The following PCDHGA2 variants were observed in gnomAD, a reference collection of about 807,000 sequenced individuals.
The protein encoded by PCDHGA2 is protocadherin gamma-A2.
In PCDHGA2, 40 loss-of-function variants were observed where a neutral mutation model predicts 59.2. The ratio of observed to expected loss-of-function variants is 0.68; its 90% CI spans 0.52 to 0.88. The LOEUF (loss-of-function observed/expected upper bound fraction) is 0.88, where lower values mean the gene tolerates loss of function less well. Ranked by LOEUF, PCDHGA2 falls within the 40% of genes least tolerant of loss-of-function variation. The pLI is 0.00. For missense variants in PCDHGA2, 1,226 were observed against 1,204.0 expected (o/e 1.02, Z -0.27); for synonymous variants, 560 against 526.0 (o/e 1.06, Z -0.89).
intron 1 of PCDHGA2, chr5:141,344,535 C>A (rs768252153): frequency 6.2e-7 from 1 of 1,613,906 alleles, no homozygotes. Flanking sequence ...TAACTCCCTG[C>A]AGAACTACAA....
rs116335001 is a variant in PCDHGA2, at chr5:141,360,878, G to C, written c.2424+19483G>C. 2.7e-5 allele frequency: 43 copies of C among 1,614,024 alleles called. No homozygotes were observed. The African/African-American group carries it at 5.3e-4, about 20-fold the overall frequency. On this transcript the variant is annotated intron_variant, in intron 1 of 3. Transcript: ENST00000394576. ...CCAGTGTTCAGCCAGGACGTGTACA[G>C]GGTCACCCTGAGGGAGGACGTGCCG...
At chr5:141,427,550 C>T (rs1310933864) in intron 1 of PCDHGA2, 1 of 643,730 alleles carries the variant, frequency 1.6e-6, no homozygotes, top group East Asian at 3.2e-5. Context: ...CCATCACTGC[C>T]ACTGACAAGG....
In PCDHGA2 at chr5:141,418,027, T is replaced by C. The variant is rs536104184; in HGVS notation, c.2424+76632T>C. On this transcript the variant is annotated intron_variant, in intron 1 of 3. Coordinates refer to ENST00000394576, the MANE Select transcript of PCDHGA2 (RefSeq NM_018915.4). ...GGAACCTCGCTAAGGATCTAGGGCT[T>C]AGTGTCCTGGATGTGTCGGCTCGCG... is the stretch of plus-strand genomic sequence containing the variant. 144 of 1,613,732 alleles carry C rather than the reference T, an allele frequency of 8.9e-5. No homozygotes were observed. The East Asian group carries it at 1.2e-3, about 14-fold the overall frequency.
In PCDHGA2 at chr5:141,427,784, G is replaced by A. The variant is rs750188824; in HGVS notation, c.2425-67023G>A. 6.8e-6 allele frequency: 10 copies of A among 1,470,180 alleles called. No homozygotes were observed. The Admixed American group carries it at 1.3e-4, about 20-fold the overall frequency. 91.1% of individuals were successfully genotyped at this position (1,470,180 alleles called of 1,614,324 possible). Reference sequence around the variant, plus strand: ...CTGACTTGGAGCTGCGGGCACTGTCGTCCTACGTGTCCGTGAGCGCACAGA... The same window carrying A: ...CTGACTTGGAGCTGCGGGCACTGTCATCCTACGTGTCCGTGAGCGCACAGA... On this transcript the variant is annotated intron_variant, in intron 1 of 3. Coordinates refer to ENST00000394576, the MANE Select transcript of PCDHGA2 (RefSeq NM_018915.4).
chr5:141,356,235 A>G (rs1479657610), intron 1 of PCDHGA2: 3 of 1,587,502 alleles, frequency 1.9e-6, no homozygotes, highest in African/African-American at 1.3e-5. Flanking sequence ...ACAACGCACC[A>G]GAAGTCACAG....
intron 1 of PCDHGA2, chr5:141,408,828 G>C: frequency 6.2e-7 from 1 of 1,613,614 alleles, no homozygotes; most frequent in East Asian, 2.2e-5. Context: ...AGATCTCATA[G>C]CTTGATATTG....
intron 1 of PCDHGA2, among the ~76,000 whole-genome samples, chr5:141,450,814 A>ATT (rs755856825): frequency 0.033 from 4,450 of 136,778 alleles, 81 homozygotes; most frequent in Middle Eastern, 0.081. Context: ...TTATTTATTT[A>ATT]ATATTATTAT....
intron 1 of PCDHGA2, chr5:141,416,339 A>T (rs2096016775): frequency 6.6e-6 from 1 of 152,218 alleles, no homozygotes; most frequent in African/African-American, 2.4e-5. Context: ...TCATTGCTCA[A>T]TAGGGATCCT....
intron 1 of PCDHGA2, chr5:141,383,317 G>A (rs376453261): frequency 1.9e-6 from 3 of 1,614,000 alleles, no homozygotes; most frequent in African/African-American, 2.7e-5. Context: ...AGAAATAAAT[G>A]TAAAAATAAT....
At chr5:141,364,415 G>C in intron 1 of PCDHGA2, 1 of 1,613,082 alleles carries the variant, frequency 6.2e-7, no homozygotes, top group South Asian at 1.1e-5. Flanking sequence ...GCCAGGATCC[G>C]GGCAGATCCG....
intron 1 of PCDHGA2, chr5:141,345,690 C>T (rs1360065016): frequency 6.2e-7 from 1 of 1,614,108 alleles, no homozygotes; most frequent in African/African-American, 1.3e-5. Context: ...CCTGTTCGTG[C>T]TGGACCAGAA....
intron 1 of PCDHGA2, chr5:141,430,809 G>T (rs949727881): frequency 2.0e-6 from 3 of 1,526,896 alleles, no homozygotes; most frequent in Non-Finnish European, 2.6e-6. Flanking sequence ...GTCCTGCTGG[G>T]AATCCTCCTG....
intron 1 of PCDHGA2, among the ~76,000 whole-genome samples, chr5:141,382,107 C>T (rs1777954814): frequency 6.6e-6 from 1 of 152,002 alleles, no homozygotes; most frequent in Non-Finnish European, 1.5e-5. Flanking sequence ...GGATTACAGG[C>T]GTGAGCAACA....
At chr5:141,360,215 G>C (rs777537456) in intron 1 of PCDHGA2, 30 of 1,613,432 alleles carry the variant, frequency 1.9e-5, no homozygotes, top group Non-Finnish European at 2.5e-5. Flanking sequence ...TTGTTCCCCG[G>C]GGCTCTCCCA....
intron 1 of PCDHGA2, chr5:141,393,457 C>T (rs780177231): frequency 1.9e-6 from 3 of 1,614,050 alleles, no homozygotes; most frequent in East Asian, 2.2e-5. Flanking sequence ...CTCACGGCCT[C>T]GGATGGCGGC....
intron 1 of PCDHGA2, chr5:141,365,946 A>G (rs758519546): frequency 1.4e-5 from 22 of 1,614,020 alleles, no homozygotes; most frequent in Non-Finnish European, 1.9e-5. Flanking sequence ...GACAGTGGGA[A>G]CCCTCCACTT....
intron 2 of PCDHGA2, among the ~76,000 whole-genome samples, chr5:141,504,369 A>G (rs968327872): frequency 6.6e-5 from 10 of 152,272 alleles, no homozygotes; most frequent in Non-Finnish European, 1.2e-4. Context: ...AGTAGGAAGC[A>G]GGTGGAGTCG....
At chr5:141,362,527 G>A (rs1272837280) in intron 1 of PCDHGA2, 2 of 1,613,974 alleles carry the variant, frequency 1.2e-6, no homozygotes, top group Non-Finnish European at 8.5e-7. Context: ...AGCCGCTGGG[G>A]TCCCTTTTGC....
chr5:141,382,961 G>A (rs749724133), intron 1 of PCDHGA2: 14 of 1,607,564 alleles, frequency 8.7e-6, no homozygotes, highest in Non-Finnish European at 1.2e-5. Flanking sequence ...ATCCTCCTGG[G>A]GACCCCCTGG....
Sources: gnomAD v4.1 joint callset for allele counts (sites outside exome capture counted in the v4.1 genomes callset) on GRCh38, gnomAD v4.1.1 for gene constraint, MANE v1.5 for transcripts, NCBI Gene and HGNC (gene_info 2026-07-23, HGNC 2026-07-21) for gene names.